CLIC4: variants seen among roughly 807,000 people sequenced by gnomAD.
CLIC4 encodes chloride intracellular channel protein 4.
In CLIC4, 13 loss-of-function variants were observed where a neutral mutation model predicts 24.6. The ratio of observed to expected loss-of-function variants is 0.53; its 90% CI spans 0.34 to 0.84. CLIC4 has a LOEUF of 0.84. CLIC4 is among the 40% of genes least tolerant of loss of function. CLIC4 has a pLI of 0.01. For missense variants in CLIC4, 227 were observed against 301.7 expected (o/e 0.75, Z 1.83); for synonymous variants, 104 against 111.3 (o/e 0.93, Z 0.41).
intron 4 of CLIC4, among the ~76,000 whole-genome samples, chr1:24,830,356 A>G (rs1639827741): frequency 2.0e-5 from 3 of 152,148 alleles, no homozygotes; most frequent in Admixed American, 1.3e-4. Context: ...ATATCAAAAT[A>G]TAGATCTACC....
intron 1 of CLIC4, among the ~76,000 whole-genome samples, chr1:24,768,774 G>A (rs1186355803): frequency 6.6e-6 from 1 of 151,876 alleles, no homozygotes; most frequent in Non-Finnish European, 1.5e-5. Context: ...GGTGGCATGT[G>A]CCTGTAGTCC....
chr1:24,755,799 A>G (rs1468844786), intron 1 of CLIC4, among the ~76,000 whole-genome samples: 2 of 152,004 alleles, frequency 1.3e-5, no homozygotes, highest in African/African-American at 4.8e-5. Flanking sequence ...AACTGTATCA[A>G]ATGTAGACTA....
chr1:24,756,995 A>T (rs1638860943), intron 1 of CLIC4, among the ~76,000 whole-genome samples: 1 of 151,938 alleles, frequency 6.6e-6, no homozygotes, highest in South Asian at 2.1e-4. Flanking sequence ...TCCTAGGTTC[A>T]AGCAATTCTC....
At chr1:24,802,711 CTT>C (rs535381018) in intron 2 of CLIC4, among the ~76,000 whole-genome samples, 22 of 136,848 alleles carry the variant, frequency 1.6e-4, no homozygotes, top group Admixed American at 3.7e-4. Context: ...TTTTCTTTTT[CTT>C]TTTTTTTTTT....
At chr1:24,802,423 CTTATAAT>C (rs1256729381) in intron 2 of CLIC4, among the ~76,000 whole-genome samples, 2 of 151,934 alleles carry the variant, frequency 1.3e-5, no homozygotes, top group African/African-American at 4.8e-5. Context: ...CATTCAGGGC[CTTATAAT>C]TAGAAAATAT....
chr1:24,783,134 A>G (rs1639225055), intron 1 of CLIC4, among the ~76,000 whole-genome samples: 1 of 152,166 alleles, frequency 6.6e-6, no homozygotes, highest in Non-Finnish European at 1.5e-5. Flanking sequence ...CAAATACTTC[A>G]GTGTGGATTC....
chr1:24,768,182 G>A (rs962544240), intron 1 of CLIC4, among the ~76,000 whole-genome samples: 2 of 152,088 alleles, frequency 1.3e-5, no homozygotes, highest in Non-Finnish European at 2.9e-5. Context: ...TTGCCATGTT[G>A]CCCAGGCTGG....
chr1:24,758,457 A>G (rs1390935601), intron 1 of CLIC4, among the ~76,000 whole-genome samples: 3 of 151,264 alleles, frequency 2.0e-5, no homozygotes, highest in Non-Finnish European at 4.4e-5. Flanking sequence ...CACCACACCC[A>G]GATAATTTTT....
intron 1 of CLIC4, among the ~76,000 whole-genome samples, chr1:24,755,027 G>A (rs1193777689): frequency 7.0e-6 from 1 of 143,818 alleles, no homozygotes; most frequent in African/African-American, 2.6e-5. Context: ...AGCTGAGATT[G>A]TGTTACTACA....
rs757976140 is a variant in CLIC4 at position 24,805,086 on chromosome 1, C to CAAAAA, written c.182+7250_182+7254dup. ...TGGGCAACAGAGTGAGACTCCATGT[C>CAAAAA]AAAAAAAAAAAAAAAAAAACACAAA... On this transcript the variant is annotated intron_variant, in intron 2 of 5. Transcript: ENST00000374379. Among the ~76,000 whole-genome samples, 356 of 43,760 alleles carry CAAAAA rather than the reference C, an allele frequency of 8.1e-3. 3 individuals are homozygous for CAAAAA. The highest frequency in any genetic ancestry group is 0.011 in the Non-Finnish European group (242 of 21,096). The allele number at this position is 43,760 out of a possible 152,430, so 28.7% of individuals were successfully genotyped here.
chr1:24,839,718 G>A, intron 4 of CLIC4, 142 bp from the exon 5 acceptor site: 1 of 662,178 alleles, frequency 1.5e-6, no homozygotes, highest in South Asian at 2.8e-5. Context: ...GAGAGCAGGA[G>A]CCTTGTCTGT....
intron 4 of CLIC4, 76 bp from the exon 5 acceptor site, chr1:24,839,782 CAA>C (rs1491265456): frequency 1.2e-5 from 15 of 1,272,714 alleles, no homozygotes; most frequent in Non-Finnish European, 1.6e-5. Context: ...GTTATTGACT[CAA>C]AGAGTCTGCT....
chr1:24,811,255 C>T (rs1404601076), intron 2 of CLIC4, among the ~76,000 whole-genome samples: 1 of 152,144 alleles, frequency 6.6e-6, no homozygotes, highest in Non-Finnish European at 1.5e-5. Context: ...TTTCTCGTGT[C>T]TGCTTCTGCA....
chr1:24,804,077 A>C (rs1639519563), intron 2 of CLIC4, among the ~76,000 whole-genome samples: 1 of 152,134 alleles, frequency 6.6e-6, no homozygotes, highest in African/African-American at 2.4e-5. Flanking sequence ...ACCTTTCTGA[A>C]AACAGTCTTC....
At chr1:24,785,082 CTT>C (rs71577732) in intron 1 of CLIC4, among the ~76,000 whole-genome samples, 28 of 137,412 alleles carry the variant, frequency 2.0e-4, no homozygotes, top group Non-Finnish European at 3.2e-4. Context: ...TTATGTAGAC[CTT>C]TTTTTTTTTT....
chr1:24,828,258 A>G (rs191786589), intron 4 of CLIC4, among the ~76,000 whole-genome samples: 59 of 152,276 alleles, frequency 3.9e-4, no homozygotes, highest in African/African-American at 1.4e-3. Flanking sequence ...GTTTTTCTAC[A>G]GTGAAGGGAA....
Position 24,820,340 on chromosome 1 carries a change from T to C in CLIC4, c.308+6121T>C, listed in dbSNP as rs1185726234. Among the ~76,000 whole-genome samples, 5 of 136,424 alleles carry C rather than the reference T, an allele frequency of 3.7e-5. No homozygotes were observed. The East Asian group carries it at 1.1e-3, about 30-fold the overall frequency. The allele number at this position is 136,424 out of a possible 152,430, so 89.5% of individuals were successfully genotyped here. ...CCCAGGCTGGAGTGCAGTGGTGTGA[T>C]TATGGCTCACCACAGCCTCGACCTC... On this transcript the variant is annotated intron_variant, in intron 3 of 5. Transcript: ENST00000374379.
At chr1:24,777,427 C>G (rs1639154464) in intron 1 of CLIC4, among the ~76,000 whole-genome samples, 1 of 151,974 alleles carries the variant, frequency 6.6e-6, no homozygotes, top group South Asian at 2.1e-4. Flanking sequence ...GCCTGTAATC[C>G]CAGCTACTCG....
At chr1:24,760,711 A>T (rs1638916361) in intron 1 of CLIC4, among the ~76,000 whole-genome samples, 1 of 152,104 alleles carries the variant, frequency 6.6e-6, no homozygotes, top group South Asian at 2.1e-4. Context: ...AGGTGCTTGG[A>T]TACACCTAGT....
Sources: gnomAD v4.1 joint callset for allele counts (sites outside exome capture counted in the v4.1 genomes callset) on GRCh38, gnomAD v4.1.1 for gene constraint, MANE v1.5 for transcripts, NCBI Gene and HGNC (gene_info 2026-07-23, HGNC 2026-07-21) for gene names.